Variants in MYO3B observed in about 807,000 individuals in gnomAD.
MYO3B encodes the protein myosin-IIIb.
A neutral mutation model predicts 174.6 loss-of-function variants in MYO3B; 156 were observed. The ratio of observed to expected loss-of-function variants is 0.89; its 90% CI spans 0.78 to 1.02. The LOEUF (loss-of-function observed/expected upper bound fraction) is 1.02, where lower values mean the gene tolerates loss of function less well. MYO3B is among the 50% of genes least tolerant of loss of function. The pLI is 0.00. For missense variants in MYO3B, 1,632 were observed against 1,639.4 expected (o/e 1.00, Z 0.08); for synonymous variants, 563 against 569.1 (o/e 0.99, Z 0.15).
chr2:170,321,290 G>C (rs893769279), intron 7 of MYO3B, among the ~76,000 whole-genome samples: 14 of 152,016 alleles, frequency 9.2e-5, no homozygotes, highest in African/African-American at 3.4e-4. Flanking sequence ...CATAAGAAAG[G>C]ATTTAATAAA....
At chr2:170,390,148 A>T (rs979933058) in intron 14 of MYO3B, among the ~76,000 whole-genome samples, 10 of 152,330 alleles carry the variant, frequency 6.6e-5, no homozygotes, top group South Asian at 4.1e-4. Flanking sequence ...TTTAAAAAAT[A>T]AAAATAAGGG....
intron 23 of MYO3B, among the ~76,000 whole-genome samples, chr2:170,451,595 A>G (rs944143305): frequency 6.6e-6 from 1 of 152,246 alleles, no homozygotes; most frequent in African/African-American, 2.4e-5. Context: ...ACAAAAACTT[A>G]AAGTTTCTAT....
In MYO3B at chr2:170,215,104, C is replaced by T. The variant is rs535581388; in HGVS notation, c.526+276C>T. Among the ~76,000 whole-genome samples, 80 of 152,280 alleles carry T rather than the reference C, an allele frequency of 5.3e-4. 1 individual carries two copies. In the Middle Eastern group the frequency reaches 0.01, roughly 19 times the overall value. ...GATGGAAAAACTTTTCGGTTTTCTG[C>T]TAAGAATTTCACATCTCAGGGCAAT... On this transcript the variant is annotated intron_variant, in intron 5 of 34. Coordinates refer to ENST00000408978, the MANE Select transcript of MYO3B (RefSeq NM_138995.5).
At chr2:170,601,786 G>T in intron 32 of MYO3B, 1 of 1,307,222 alleles carries the variant, frequency 7.6e-7, no homozygotes, top group Non-Finnish European at 1.1e-6. Context: ...CAGCTTTGCA[G>T]CCTTCTTTTC....
At chr2:170,241,146 G>T (rs2093128157) in intron 7 of MYO3B, among the ~76,000 whole-genome samples, 1 of 148,214 alleles carries the variant, frequency 6.7e-6, no homozygotes, top group Non-Finnish European at 1.5e-5. Flanking sequence ...TTTTTTAGTA[G>T]GAAAAGCTCA....
chr2:170,630,924 G>C (rs1696909257), intron 32 of MYO3B, among the ~76,000 whole-genome samples: 1 of 152,186 alleles, frequency 6.6e-6, no homozygotes, highest in Admixed American at 6.5e-5. Flanking sequence ...AAAGACCAAA[G>C]GTAGATAAAA....
rs140440721 is a variant in MYO3B, at chr2:170,388,914, C to T, written c.1577+1606C>T. Among the ~76,000 whole-genome samples the T allele has an allele frequency of 2.4e-3, 362 of 152,272 alleles. 2 individuals carry two copies. Among genetic ancestry groups the T allele is most frequent in the African/African-American group, 8.5e-3 (353 of 41,560 alleles). ...GACAGAGTCAGAGTCATTTACGCTT[C>T]CCTGTGGCTTTTTGATTAATTTTTA... is the stretch of plus-strand genomic sequence containing the variant. On this transcript the variant is annotated intron_variant, in intron 14 of 34. Coordinates refer to ENST00000408978, the MANE Select transcript of MYO3B (RefSeq NM_138995.5).
At chr2:170,348,380 G>A (rs1234118658) in intron 8 of MYO3B, 4 of 152,096 alleles carry the variant, frequency 2.6e-5, no homozygotes, top group African/African-American at 9.7e-5. Context: ...TGGGATTACA[G>A]GTGTCTGCTA....
chr2:170,486,007 G>GAGAGAGA (rs1686025731), intron 25 of MYO3B, among the ~76,000 whole-genome samples: 1 of 149,848 alleles, frequency 6.7e-6, no homozygotes, highest in Admixed American at 6.6e-5. Context: ...AAAGAAAGAG[G>GAGAGAGA]GAGAGAGAGA....
intron 7 of MYO3B, among the ~76,000 whole-genome samples, chr2:170,283,309 T>C (rs2093528159): frequency 6.6e-6 from 1 of 152,208 alleles, no homozygotes; most frequent in Admixed American, 6.5e-5. Context: ...TTTCCCATGC[T>C]GGGGAACCTA....
chr2:170,333,185 C>G (rs983307490), intron 7 of MYO3B, among the ~76,000 whole-genome samples: 1 of 152,156 alleles, frequency 6.6e-6, no homozygotes, highest in Non-Finnish European at 1.5e-5. Flanking sequence ...ATAACGGACT[C>G]ACTGAAAGAT....
chr2:170,263,090 T>A (rs2093357074), intron 7 of MYO3B, among the ~76,000 whole-genome samples: 1 of 152,216 alleles, frequency 6.6e-6, no homozygotes. Context: ...AACCAGACTT[T>A]GGTTATTTAT....
chr2:170,280,950 G>C (rs2093504288), intron 7 of MYO3B, among the ~76,000 whole-genome samples: 1 of 152,024 alleles, frequency 6.6e-6, no homozygotes, highest in African/African-American at 2.4e-5. Flanking sequence ...GAGTGCCTTG[G>C]CTATTTGGGC....
chr2:170,396,290 G>C (rs553453077), intron 16 of MYO3B, among the ~76,000 whole-genome samples: 1 of 152,224 alleles, frequency 6.6e-6, no homozygotes, highest in South Asian at 2.1e-4. Context: ...TTCCCTGGCT[G>C]TCTGTTGGGG....
chr2:170,198,128 T>C (rs1338505427), intron 1 of MYO3B, among the ~76,000 whole-genome samples: 38 of 131,300 alleles, frequency 2.9e-4, no homozygotes, highest in Admixed American at 2.3e-3. Context: ...TTTTTTTTTT[T>C]TTCCCTTCTT....
Position 170,215,563 on chromosome 2 carries a change from T to C in MYO3B, c.526+735T>C, listed in dbSNP as rs571146665. ...ATTTAGTGAAACACTTTAAACGTGTTTTTTTAAAAGAATATTTATTGTCTT... is the reference window on the plus strand; with the variant it reads ...ATTTAGTGAAACACTTTAAACGTGTCTTTTTAAAAGAATATTTATTGTCTT... On this transcript the variant is annotated intron_variant, in intron 5 of 34. Coordinates refer to ENST00000408978, the MANE Select transcript of MYO3B (RefSeq NM_138995.5). Among the ~76,000 whole-genome samples, 3 of 152,342 alleles carry C rather than the reference T, an allele frequency of 2.0e-5. No homozygotes were observed. The South Asian group carries it at 6.2e-4, about 32-fold the overall frequency.
chr2:170,350,064 C>T lies in MYO3B; in HGVS notation c.815+14614C>T, dbSNP rs141743461. On this transcript the variant is annotated intron_variant, in intron 8 of 34. Coordinates refer to ENST00000408978, the MANE Select transcript of MYO3B (RefSeq NM_138995.5). ...TTGCCCAGGCTGGATTGCAGTGGCG[C>T]GATCTCGGCTCATTGCAATCTCAAC... Among the ~76,000 whole-genome samples, 310 of 151,950 alleles carry T rather than the reference C, an allele frequency of 2.0e-3. 2 individuals are homozygous for T. The highest frequency in any genetic ancestry group is 7.1e-3 in the African/African-American group (294 of 41,428).
chr2:170,418,856 C>T lies in MYO3B; in HGVS notation c.2650+11012C>T, dbSNP rs189299965. ...TACAATCTCATCCCCTAATTGGATA[C>T]TTGCTTAGCTAGCAAAATATATAAC... is the stretch of plus-strand genomic sequence containing the variant. On this transcript the variant is annotated intron_variant, in intron 22 of 34. Transcript: ENST00000408978. 7.9e-5 allele frequency among the ~76,000 whole-genome samples: 12 copies of T among 151,788 alleles called. No homozygotes were observed. In the East Asian group the frequency reaches 1.9e-3, roughly 24 times the overall value.
chr2:170,521,523 G>A (rs756815167), intron 30 of MYO3B, among the ~76,000 whole-genome samples: 52 of 152,054 alleles, frequency 3.4e-4, no homozygotes, highest in Non-Finnish European at 1.0e-4. Flanking sequence ...CTCTTCCACC[G>A]CCCTTCTCTT....
Sources: gnomAD v4.1 joint callset for allele counts (sites outside exome capture counted in the v4.1 genomes callset) on GRCh38, gnomAD v4.1.1 for gene constraint, MANE v1.5 for transcripts, NCBI Gene and HGNC (gene_info 2026-07-23, HGNC 2026-07-21) for gene names.